The following SGK2 variants were observed in gnomAD, a reference collection of about 807,000 sequenced individuals.
SGK2 encodes the protein serum/glucocorticoid regulated kinase 2, also known as serine/threonine-protein kinase Sgk2.
SGK2 carries 36 observed loss-of-function variants against 47.5 expected under a neutral mutation model. The ratio of observed to expected loss-of-function variants is 0.76; its 90% CI spans 0.58 to 1.00. The LOEUF is 1.00. Ranked by LOEUF, SGK2 falls within the 50% of genes least tolerant of loss-of-function variation. The probability of loss-of-function intolerance (pLI) is 0.00; values close to 1 mark genes in which losing one functional copy is unlikely to be tolerated. For missense variants in SGK2, 404 were observed against 467.4 expected (o/e 0.86, Z 1.25); for synonymous variants, 157 against 181.9 (o/e 0.86, Z 1.10).
At chr20:43,576,169 A>G in intron 10 of SGK2, 55 bp from the exon 11 acceptor site, 1 of 1,596,018 alleles carries the variant, frequency 6.3e-7, no homozygotes, top group Non-Finnish European at 8.6e-7. Context: ...AGTCTCCCCG[A>G]GCCTGTGTTC....
At chr20:43,581,585 T>A (rs1158552801) in intron 12 of SGK2, among the ~76,000 whole-genome samples, 2 of 152,122 alleles carry the variant, frequency 1.3e-5, no homozygotes, top group Non-Finnish European at 2.9e-5. Context: ...CAGAGTCTCG[T>A]TCGATCGCCC....
At chr20:43,584,801 T>C (rs1047413926) in intron 12 of SGK2, 51 bp from the exon 13 acceptor site, 3 of 1,533,208 alleles carry the variant, frequency 2.0e-6, no homozygotes, top group Admixed American at 3.5e-5. Flanking sequence ...TGGGCTCCTT[T>C]GGCAGCTCTG....
At chr20:43,570,948 C>G in intron 7 of SGK2, 76 bp from the exon 8 acceptor site, 1 of 1,602,918 alleles carries the variant, frequency 6.2e-7, no homozygotes, top group Non-Finnish European at 8.5e-7. Flanking sequence ...GCCAGGACCA[C>G]CCCCCGCCCA....
At chr20:43,573,342 A>T (rs1980261987) in intron 9 of SGK2, among the ~76,000 whole-genome samples, 1 of 152,156 alleles carries the variant, frequency 6.6e-6, no homozygotes, top group Non-Finnish European at 1.5e-5. Context: ...TACAAAAATT[A>T]GCCAGGTGTG....
chr20:43,578,479 ACT>A (rs1301296984), intron 11 of SGK2, among the ~76,000 whole-genome samples: 5 of 151,146 alleles, frequency 3.3e-5, no homozygotes, highest in Non-Finnish European at 7.4e-5. Context: ...ACAGAGTGAG[ACT>A]CTATCTCCAA....
intron 6 of SGK2, 55 bp downstream of exon 6, chr20:43,569,571 C>T: frequency 1.3e-6 from 2 of 1,591,934 alleles, no homozygotes; most frequent in South Asian, 1.1e-5. Context: ...GGGAGCTGTC[C>T]ATCCCACATG....
chr20:43,568,183 C>T (rs555325679), intron 5 of SGK2, among the ~76,000 whole-genome samples, 184 bp downstream of exon 5: 5 of 152,266 alleles, frequency 3.3e-5, no homozygotes, highest in Admixed American at 2.0e-4. Context: ...CAGGCCAAGC[C>T]ATCTCACCAC....
At chr20:43,578,565 C>G (rs1247726161) in intron 11 of SGK2, among the ~76,000 whole-genome samples, 1 of 152,190 alleles carries the variant, frequency 6.6e-6, no homozygotes, top group African/African-American at 2.4e-5. Flanking sequence ...TTACTAGTTA[C>G]AGGACCTTGG....
intron 2 of SGK2, 136 bp downstream of exon 2, chr20:43,566,667 G>T: frequency 1.6e-6 from 1 of 625,346 alleles, no homozygotes. Context: ...CTTGCAGGGT[G>T]AATAGAGTAG....
At chr20:43,564,539 A>T (rs1600985146) in intron 1 of SGK2, among the ~76,000 whole-genome samples, 1 of 152,184 alleles carries the variant, frequency 6.6e-6, no homozygotes, top group African/African-American at 2.4e-5. Context: ...TCACTGATAT[A>T]CACCACTATG....
intron 1 of SGK2, chr20:43,565,102 C>T (rs554624067): frequency 6.6e-6 from 1 of 152,490 alleles, no homozygotes; most frequent in African/African-American, 2.4e-5. Flanking sequence ...TCTGCCGGAT[C>T]CCGCGTGACA....
intron 12 of SGK2, among the ~76,000 whole-genome samples, chr20:43,580,716 A>T: frequency 9.1e-6 from 1 of 110,138 alleles, no homozygotes. Flanking sequence ...CAACAGAGGG[A>T]GACTTCATCT....
intron 1 of SGK2, among the ~76,000 whole-genome samples, chr20:43,559,552 C>T (rs1077832): frequency 0.4 from 60,875 of 152,012 alleles, 13,458 homozygotes; most frequent in Non-Finnish European, 0.51. Context: ...CCTCAGTTTT[C>T]TCCTCCTTGA....
rs1981025365 is a variant in SGK2, at chr20:43,585,245, T to C, written c.*229T>C. ...GCCAACCTTGACAAATGGCTTCCAATGTTAGGTTTGCTACAAGATGGTTAC... is the reference window on the plus strand; with the variant it reads ...GCCAACCTTGACAAATGGCTTCCAACGTTAGGTTTGCTACAAGATGGTTAC... On this transcript the variant is annotated 3_prime_UTR_variant, in exon 13 of 13. Coordinates refer to ENST00000373100, the MANE Select transcript of SGK2 (RefSeq NM_170693.3). 2.9e-6 allele frequency: 1 copy of C among 341,736 alleles called. No homozygotes were observed. Among genetic ancestry groups the C allele is most frequent in the Non-Finnish European group, 5.5e-6 (1 of 183,458 alleles). The allele number at this position is 341,736 out of a possible 1,614,324, so 21.2% of individuals were successfully genotyped here. A position where few individuals can be genotyped will look rare whatever the true frequency, so the allele number is the denominator to read the frequency against.
chr20:43,577,543 G>C (rs550331021), intron 11 of SGK2, among the ~76,000 whole-genome samples: 1 of 151,394 alleles, frequency 6.6e-6, no homozygotes, highest in African/African-American at 2.4e-5. Flanking sequence ...GTAGAGACGG[G>C]GTTTCACCAA....
Position 43,568,012 on chromosome 20 carries a change from G to T in SGK2, c.228+13G>T. 3.7e-6 allele frequency: 6 copies of T among 1,609,768 alleles called. No homozygotes were observed. The highest frequency in any genetic ancestry group is 1.1e-5 in the South Asian group (1 of 90,948). ...AAAGAAGAAAGAGGTACCAGAGCTC[G>T]GGCACAGGCATTTCTTCTTCTGCTT... On this transcript the variant is annotated intron_variant, in intron 5 of 12. Transcript: ENST00000373100.
At chr20:43,577,232 A>G (rs574334145) in intron 11 of SGK2, among the ~76,000 whole-genome samples, 11 of 152,282 alleles carry the variant, frequency 7.2e-5, no homozygotes, top group Admixed American at 5.2e-4. Flanking sequence ...CTATGGGAAC[A>G]AGGAGGAGAG....
At chr20:43,573,639 C>T (rs976596898) in intron 9 of SGK2, among the ~76,000 whole-genome samples, 1 of 152,212 alleles carries the variant, frequency 6.6e-6, no homozygotes, top group Non-Finnish European at 1.5e-5. Context: ...CCCCACCTGG[C>T]ATGAGACAGG....
At position 43,570,589 on chromosome 20, in the gene SGK2, C is replaced by T. The variant is rs757671164; in HGVS notation, c.361-28C>T. ...TAGCCCTACAGCAGCCACCCAATAA[C>T]TCCTGTCACACTCCTCCTCCCCTCC... On this transcript the variant is annotated intron_variant, in intron 6 of 12. Coordinates refer to ENST00000373100, the MANE Select transcript of SGK2 (RefSeq NM_170693.3). 5.2e-6 allele frequency: 8 copies of T among 1,529,018 alleles called. No individual in the cohort carries two copies. The South Asian group carries it at 7.2e-5, about 14-fold the overall frequency. The allele number at this position is 1,529,018 out of a possible 1,614,324, so 94.7% of individuals were successfully genotyped here. A position where few individuals can be genotyped will look rare whatever the true frequency, so the allele number is the denominator to read the frequency against.
Sources: allele counts gnomAD v4.1 joint callset (sites outside exome capture counted in the v4.1 genomes callset), GRCh38; gene constraint gnomAD v4.1.1; transcripts MANE v1.5; gene names NCBI Gene and HGNC (gene_info 2026-07-23, HGNC 2026-07-21).